The following HKDC1 variants were observed in gnomAD, a reference collection of about 807,000 sequenced individuals.
HKDC1 encodes the protein hexokinase domain containing 1, also known as hexokinase HKDC1.
In HKDC1, 66 loss-of-function variants were observed where a neutral mutation model predicts 96.6. The ratio of observed to expected loss-of-function variants is 0.68; its 90% CI spans 0.56 to 0.84. The LOEUF (loss-of-function observed/expected upper bound fraction) is 0.84. HKDC1 is among the 40% of genes least tolerant of loss of function. The pLI is 0.00. For missense variants in HKDC1, 1,211 were observed against 1,208.1 expected (o/e 1.00, Z -0.04); for synonymous variants, 466 against 473.1 (o/e 0.98, Z 0.20).
chr10:69,243,505 T>TC (rs1843489249), intron 7 of HKDC1, 140 bp downstream of exon 7: 3 of 793,038 alleles, frequency 3.8e-6, no homozygotes, highest in Non-Finnish European at 5.6e-6. Context: ...TTTCCTTTTT[T>TC]TTTTTTTTTG....
intron 2 of HKDC1, among the ~76,000 whole-genome samples, chr10:69,228,846 A>G (rs1475042645): frequency 6.6e-6 from 1 of 151,986 alleles, no homozygotes; most frequent in Non-Finnish European, 1.5e-5. Context: ...AGCCTGGGTG[A>G]CAGAGCGAGA....
Position 69,250,349 on chromosome 10 carries a change from A to C in HKDC1, c.1630A>C (p.Lys544Gln). 1 of 1,614,064 alleles carries C rather than the reference A, an allele frequency of 6.2e-7. No homozygotes were observed. Among genetic ancestry groups the C allele is most frequent in the Non-Finnish European group, 8.5e-7 (1 of 1,179,976 alleles). ...AACCAACTTCCGGGTCCTCCTGGTG[A>C]AGATCAGAAGTGGACGGAGGTCAGT... ...GGTNFRVLLV[K>Q]IRSGRRSVRM... is the part of the protein sequence containing the mutation. Residue 544 changes from lysine to glutamine, a missense_variant, in exon 11 of 18, where the codon AAG (lysine) becomes CAG (glutamine). Lys to Gln is a moderately conservative substitution (Grantham distance 53). Transcript: ENST00000354624.
At chr10:69,225,657 C>T (rs769247862) in intron 1 of HKDC1, among the ~76,000 whole-genome samples, 6 of 152,068 alleles carry the variant, frequency 3.9e-5, no homozygotes, top group Non-Finnish European at 7.4e-5. Flanking sequence ...TGTCCTAGCG[C>T]GAAGGTAATG....
intron 16 of HKDC1, chr10:69,261,767 A>G (rs1843814258): frequency 5.7e-6 from 1 of 175,464 alleles, no homozygotes; most frequent in Admixed American, 5.5e-5. Context: ...GACAAAGTTT[A>G]TAAACTGCAT....
chr10:69,227,984 C>CTATG (rs555358808), intron 2 of HKDC1, among the ~76,000 whole-genome samples: 193 of 152,318 alleles, frequency 1.3e-3, no homozygotes, highest in African/African-American at 4.1e-3. Flanking sequence ...GAGAAATGGC[C>CTATG]TATGTATCTG....
chr10:69,266,520 G>C, intron 17 of HKDC1, 90 bp from the exon 18 acceptor site: 1 of 1,400,970 alleles, frequency 7.1e-7, no homozygotes, highest in Non-Finnish European at 9.7e-7. Flanking sequence ...AAACCAAAGG[G>C]AAGAAGCTAA....
chr10:69,240,929 T>C (rs536444725), intron 6 of HKDC1, among the ~76,000 whole-genome samples, 178 bp downstream of exon 6: 1 of 152,216 alleles, frequency 6.6e-6, no homozygotes, highest in East Asian at 1.9e-4. Flanking sequence ...TGAGCACCCA[T>C]TGTGTGCCGG....
intron 2 of HKDC1, chr10:69,232,555 GTCAGGC>G (rs1843282805): frequency 1.7e-6 from 1 of 583,604 alleles, no homozygotes; most frequent in Non-Finnish European, 3.0e-6. Context: ...AGGCTGCAGA[GTCAGGC>G]TGACTTAGTT....
chr10:69,257,295 TG>T (rs145912037), intron 13 of HKDC1, 31 bp from the exon 14 acceptor site: 1 of 1,587,556 alleles, frequency 6.3e-7, no homozygotes, highest in Non-Finnish European at 8.6e-7. Context: ...ATAGTAAAGC[TG>T]GGTTTTTTTT....
At chr10:69,245,387 T>C (rs1843523313) in intron 7 of HKDC1, among the ~76,000 whole-genome samples, 1 of 150,952 alleles carries the variant, frequency 6.6e-6, no homozygotes, top group African/African-American at 2.4e-5. Context: ...GAGTTTATGA[T>C]AAGCCTAGGC....
intron 14 of HKDC1, among the ~76,000 whole-genome samples, chr10:69,258,130 A>G (rs563062933): frequency 6.6e-6 from 1 of 152,350 alleles, no homozygotes; most frequent in African/African-American, 2.4e-5. Context: ...CTCCCATGCC[A>G]GGTAAGAGGT....
At chr10:69,222,414 G>A (rs540116059) in intron 1 of HKDC1, among the ~76,000 whole-genome samples, 1 of 152,230 alleles carries the variant, frequency 6.6e-6, no homozygotes, top group Non-Finnish European at 1.5e-5. Flanking sequence ...AGGAGGCGCT[G>A]CCTAGGAATC....
At chr10:69,241,297 G>A (rs948839076) in intron 6 of HKDC1, among the ~76,000 whole-genome samples, 2 of 152,090 alleles carry the variant, frequency 1.3e-5, no homozygotes, top group Non-Finnish European at 2.9e-5. Context: ...CTATAGCCGA[G>A]TGGTGTCCGG....
chr10:69,233,796 G>T (rs1403917536), intron 4 of HKDC1, among the ~76,000 whole-genome samples: 1 of 150,538 alleles, frequency 6.6e-6, no homozygotes. Context: ...CACTTGGGAG[G>T]CTGAGGCAGG....
At chr10:69,237,317 G>GTGTA (rs1224895692) in intron 4 of HKDC1, among the ~76,000 whole-genome samples, 10 of 142,788 alleles carry the variant, frequency 7.0e-5, no homozygotes, top group African/African-American at 2.2e-4. Flanking sequence ...GTGTGTGTGT[G>GTGTA]TTTTCTGATA....
chr10:69,228,170 C>T (rs1843192394), intron 2 of HKDC1, among the ~76,000 whole-genome samples: 1 of 152,182 alleles, frequency 6.6e-6, no homozygotes, highest in Non-Finnish European at 1.5e-5. Context: ...GTTTCCTTAA[C>T]TTTTCCAGTT....
chr10:69,225,212 GT>G (rs1261341882), intron 1 of HKDC1, among the ~76,000 whole-genome samples: 1 of 152,194 alleles, frequency 6.6e-6, no homozygotes, highest in Non-Finnish European at 1.5e-5. Flanking sequence ...GATGCCTGGA[GT>G]TTTTTATACT....
At chr10:69,255,652 C>T (rs1401382891) in intron 12 of HKDC1, among the ~76,000 whole-genome samples, 1 of 152,168 alleles carries the variant, frequency 6.6e-6, no homozygotes, top group Non-Finnish European at 1.5e-5. Context: ...CACATCGGCT[C>T]ACCCCTGTAA....
chr10:69,245,926 G>A (rs1843533758), intron 7 of HKDC1, among the ~76,000 whole-genome samples, 153 bp from the exon 8 acceptor site: 1 of 152,210 alleles, frequency 6.6e-6, no homozygotes, highest in South Asian at 2.1e-4. Context: ...TGAGACAAAA[G>A]TTCTTGCCAT....
Sources: allele counts gnomAD v4.1 joint callset (sites outside exome capture counted in the v4.1 genomes callset), GRCh38; gene constraint gnomAD v4.1.1; transcripts MANE v1.5; gene names NCBI Gene and HGNC (gene_info 2026-07-23, HGNC 2026-07-21).